FMN1: variants seen among roughly 807,000 people sequenced by gnomAD.
FMN1 encodes the protein formin 1.
A neutral mutation model predicts 132.4 loss-of-function variants in FMN1; 110 were observed. The ratio of observed to expected loss-of-function variants is 0.83; its 90% CI spans 0.71 to 0.97. The LOEUF is 0.97. Among genes scored for constraint, FMN1 ranks in the 50% least tolerant of loss-of-function variants. The pLI, the probability that FMN1 is intolerant of heterozygous loss-of-function variation, is 0.00. For missense variants in FMN1, 1,792 were observed against 1,705.3 expected (o/e 1.05, Z -0.90); for synonymous variants, 722 against 651.7 (o/e 1.11, Z -1.64).
chr15:32,781,356 G>A (rs1208957768), intron 19 of FMN1, among the ~76,000 whole-genome samples: 1 of 152,140 alleles, frequency 6.6e-6, no homozygotes, highest in Non-Finnish European at 1.5e-5. Context: ...TATACAATTT[G>A]CTTAAAACAC....
At chr15:33,165,335 G>A (rs188173215) in intron 3 of FMN1, among the ~76,000 whole-genome samples, 1 of 152,240 alleles carries the variant, frequency 6.6e-6, no homozygotes, top group Non-Finnish European at 1.5e-5. Context: ...TCTGATTAAG[G>A]AAGCTGCTCT....
intron 12 of FMN1, among the ~76,000 whole-genome samples, chr15:32,907,537 C>T (rs895198430): frequency 1.3e-5 from 2 of 151,624 alleles, no homozygotes; most frequent in Non-Finnish European, 2.9e-5. Flanking sequence ...CAGTCTGTGG[C>T]CCAGGGGTTG....
At chr15:33,061,683 G>C (rs1017181193) in intron 6 of FMN1, among the ~76,000 whole-genome samples, 19 of 152,036 alleles carry the variant, frequency 1.2e-4, no homozygotes, top group African/African-American at 4.6e-4. Context: ...ATTCTGAGAT[G>C]TATTGTAATG....
chr15:32,895,370 A>C (rs1266312728), intron 15 of FMN1, among the ~76,000 whole-genome samples: 2 of 152,104 alleles, frequency 1.3e-5, no homozygotes, highest in Non-Finnish European at 2.9e-5. Context: ...GAAAAAAAAA[A>C]ACAAAAACAC....
intron 4 of FMN1, among the ~76,000 whole-genome samples, chr15:33,114,797 A>G (rs1435013080): frequency 4.6e-5 from 7 of 152,216 alleles, no homozygotes; most frequent in African/African-American, 1.7e-4. Context: ...AGGAATAGAA[A>G]TAATCCTACT....
chr15:33,124,225 A>C (rs1205029119), intron 4 of FMN1, among the ~76,000 whole-genome samples: 1 of 151,982 alleles, frequency 6.6e-6, no homozygotes, highest in Non-Finnish European at 1.5e-5. Flanking sequence ...GTGATGTTAA[A>C]GACAAAAAGG....
At chr15:32,980,548 T>C (rs547661015) in intron 7 of FMN1, among the ~76,000 whole-genome samples, 60 of 152,222 alleles carry the variant, frequency 3.9e-4, no homozygotes, top group African/African-American at 1.2e-3. Context: ...ATGCCAAAAA[T>C]TTTACACATT....
rs1002290824 is a variant in FMN1 at position 33,165,532 on chromosome 15, A to G, written c.-131-10487T>C. On this transcript the variant is annotated intron_variant, in intron 3 of 20. Coordinates refer to ENST00000616417, the MANE Select transcript of FMN1 (RefSeq NM_001277313.2). ...CAGCCTCCCGAGTAGCTGGGAATAC[A>G]GGCGCCCGCCACCACGCCCGGCTAA... is the stretch of plus-strand genomic sequence containing the variant. Among the ~76,000 whole-genome samples the G allele has an allele frequency of 2.6e-5, 4 of 152,112 alleles. No homozygotes were observed. The South Asian group carries it at 8.3e-4, about 32-fold the overall frequency.
At chr15:32,923,686 A>T (rs935518766) in intron 10 of FMN1, among the ~76,000 whole-genome samples, 1 of 152,224 alleles carries the variant, frequency 6.6e-6, no homozygotes, top group Non-Finnish European at 1.5e-5. Flanking sequence ...ATCGACAAAT[A>T]TCTTTTCAAA....
At chr15:32,914,995 G>A (rs1328030570) in intron 10 of FMN1, among the ~76,000 whole-genome samples, 1 of 152,162 alleles carries the variant, frequency 6.6e-6, no homozygotes, top group Non-Finnish European at 1.5e-5. Context: ...CCTCTTCCAC[G>A]GAAGGATCTT....
At chr15:33,056,126 G>C (rs576101358) in intron 6 of FMN1, among the ~76,000 whole-genome samples, 48 of 152,316 alleles carry the variant, frequency 3.2e-4, no homozygotes, top group Non-Finnish European at 4.1e-4. Flanking sequence ...AAATCCCTTT[G>C]AAACACTGTT....
intron 4 of FMN1, among the ~76,000 whole-genome samples, chr15:33,117,650 A>G (rs1051500655): frequency 5.9e-5 from 9 of 152,120 alleles, no homozygotes; most frequent in African/African-American, 1.4e-4. Context: ...TTTTGCAGTG[A>G]TTCCAATAAA....
At chr15:32,970,200 T>C (rs915098741) in intron 7 of FMN1, among the ~76,000 whole-genome samples, 1 of 151,746 alleles carries the variant, frequency 6.6e-6, no homozygotes, top group African/African-American at 2.4e-5. Flanking sequence ...TTTAATGCAC[T>C]GAGTCTGTAA....
chr15:32,936,753 G>A (rs192993772), intron 9 of FMN1, among the ~76,000 whole-genome samples: 15 of 152,222 alleles, frequency 9.9e-5, no homozygotes, highest in African/African-American at 2.6e-4. Context: ...GGGTGAAGAT[G>A]AAGAAGAGCA....
At chr15:33,016,129 TAAATA>T (rs549229690) in intron 6 of FMN1, among the ~76,000 whole-genome samples, 3 of 149,038 alleles carry the variant, frequency 2.0e-5, no homozygotes, top group African/African-American at 7.3e-5. Flanking sequence ...AATAACAAAT[TAAATA>T]ATAGTAAAAA....
intron 19 of FMN1, among the ~76,000 whole-genome samples, chr15:32,794,882 T>TA (rs1267884356): frequency 6.6e-6 from 1 of 152,126 alleles, no homozygotes; most frequent in African/African-American, 2.4e-5. Flanking sequence ...ACATGCTCCA[T>TA]AAAAAAACGT....
chr15:32,818,985 A>C (rs1433251789), intron 17 of FMN1, among the ~76,000 whole-genome samples: 1 of 152,112 alleles, frequency 6.6e-6, no homozygotes, highest in Non-Finnish European at 1.5e-5. Context: ...ACTGGAGAAA[A>C]ACCATAGCAT....
intron 12 of FMN1, 67 bp from the exon 13 acceptor site, chr15:32,902,107 A>G (rs2060312360): frequency 2.1e-6 from 3 of 1,415,250 alleles, no homozygotes; most frequent in East Asian, 2.3e-5. Context: ...AGACAGCTGA[A>G]AAAGACCCAC....
chr15:32,845,354 T>C (rs1013189168), intron 17 of FMN1, among the ~76,000 whole-genome samples: 4 of 152,234 alleles, frequency 2.6e-5, no homozygotes, highest in Admixed American at 6.5e-5. Flanking sequence ...TTTGTTGTTA[T>C]TGTTGGGAAA....
Sources: gnomAD v4.1 joint callset for allele counts (sites outside exome capture counted in the v4.1 genomes callset) on GRCh38, gnomAD v4.1.1 for gene constraint, MANE v1.5 for transcripts, NCBI Gene and HGNC (gene_info 2026-07-23, HGNC 2026-07-21) for gene names.